Variants in C16orf54 observed in about 807,000 individuals in gnomAD.
C16orf54 encodes the protein chromosome 16 open reading frame 54.
C16orf54 carries 2 observed loss-of-function variants against 3.9 expected under a neutral mutation model. That is an observed-to-expected ratio of 0.52 (90% CI 0.21 to 1.63). C16orf54 has a LOEUF of 1.63. C16orf54 is among the 40% of genes most tolerant of loss of function. C16orf54 has a pLI of 0.21. For synonymous variants in C16orf54, 128 were observed against 135.1 expected, an observed-to-expected ratio of 0.95 and a Z score of 0.37; for missense variants, 272 against 326.3, an observed-to-expected ratio of 0.83 and a Z score of 1.28.
Position 29,744,006 on chromosome 16 carries a change from T to G in C16orf54, c.*271A>C. On this transcript the variant is annotated 3_prime_UTR_variant, in exon 2 of 2. Transcript: ENST00000329410. This position sits in a 1 kb window ranked among gnomAD's most constrained non-coding sequence, Gnocchi z 7.1. ...TATCTAGTACCTTGGGTTCTTCATCTGGATGCGATCTTGAAGGCTTCTGGC... is the reference window on the plus strand; with the variant it reads ...TATCTAGTACCTTGGGTTCTTCATCGGGATGCGATCTTGAAGGCTTCTGGC... 2 of 547,752 alleles carry G rather than the reference T, an allele frequency of 3.7e-6. No individual in the cohort carries two copies. The highest frequency in any genetic ancestry group is 3.4e-5 in the Admixed American group (1 of 29,518). 33.9% of individuals were successfully genotyped at this position (547,752 alleles called of 1,614,324 possible).
In C16orf54 at chr16:29,744,593, C is replaced by T. The variant is rs200945943; in HGVS notation, c.359G>A (p.Arg120Gln). The change falls in exon 2 of 2, where the codon CGA (arginine) becomes CAA (glutamine). Residue 120 changes from arginine to glutamine, a missense_variant. Arg to Gln is a conservative substitution (Grantham distance 43). Coordinates refer to ENST00000329410, the MANE Select transcript of C16orf54 (RefSeq NM_175900.4). The surrounding 1 kb of genome is among the most constrained non-coding windows in gnomAD (Gnocchi z 7.1). Reference sequence around the variant, plus strand: ...TGAGGGGGCAGGTGGGGCTGTTGCTCGGGCCTCCAAAGTGCCCACCTGGGT... The same window carrying T: ...TGAGGGGGCAGGTGGGGCTGTTGCTTGGGCCTCCAAAGTGCCCACCTGGGT... The part of the protein sequence containing the change: ...PPTQVGTLEA[R>Q]ATAPPAPSAP... The T allele has an allele frequency of 6.4e-4, 933 of 1,466,694 alleles. No homozygotes were observed. The highest frequency in any genetic ancestry group is 7.6e-4 in the Non-Finnish European group (843 of 1,109,898). 90.9% of individuals were successfully genotyped at this position (1,466,694 alleles called of 1,614,324 possible).
chr16:29,743,689 C>T lies in C16orf54; in HGVS notation c.*588G>A, dbSNP rs1046042852. The T allele has an allele frequency of 6.5e-6, 1 of 152,702 alleles. No homozygotes were observed. Among genetic ancestry groups the T allele is most frequent in the Non-Finnish European group, 1.5e-5 (1 of 68,402 alleles). 9.5% of individuals were successfully genotyped at this position (152,702 alleles called of 1,614,324 possible). A position where few individuals can be genotyped will look rare whatever the true frequency, so the allele number is the denominator to read the frequency against. ...ACAGCGCCGCTGCAGCTTGGCCCAG[C>T]AAGTTCCTCCTTGCAGTTTGGGGGT... is the stretch of plus-strand genomic sequence containing the variant. On this transcript the variant is annotated 3_prime_UTR_variant, in exon 2 of 2. Transcript: ENST00000329410.
chr16:29,744,929 G>T lies in C16orf54; in HGVS notation c.23C>A (p.Pro8His). Residue 8 changes from proline (P) to histidine (H), a missense_variant, in exon 2 of 2, where the codon CCC becomes CAC. Pro to His is a moderately conservative substitution (Grantham distance 77). Coordinates refer to ENST00000329410, the MANE Select transcript of C16orf54 (RefSeq NM_175900.4). The surrounding 1 kb of genome is among the most constrained non-coding windows in gnomAD (Gnocchi z 7.1). Reference protein sequence around the residue: MPLTPEPPSGRVEGPPAW... With the variant: MPLTPEPHSGRVEGPPAW... Reference sequence around the variant, plus strand: ...GGGGGGCCCCTCCACGCGCCCAGAGGGCGGCTCTGGAGTCAACGGCATCTG... The same window carrying T: ...GGGGGGCCCCTCCACGCGCCCAGAGTGCGGCTCTGGAGTCAACGGCATCTG... The T allele has an allele frequency of 6.8e-7, 1 of 1,467,236 alleles. No homozygotes were observed. The allele number at this position is 1,467,236 out of a possible 1,614,324, so 90.9% of individuals were successfully genotyped here. A position where few individuals can be genotyped will look rare whatever the true frequency, so the allele number is the denominator to read the frequency against.
At position 29,744,358 on chromosome 16, in the gene C16orf54, C is replaced by T. The variant is rs1313145274; in HGVS notation, c.594G>A (p.Glu198=). ...RRQRPGSPDP[E]WGLQPRVTLE... ...AGGTGACCCGTGGCTGGAGGCCCCA[C>T]TCAGGATCCGGGCTCCCTGGCCGCT... Residue 198 remains glutamate, a synonymous_variant, in exon 2 of 2, where the codon GAG becomes GAA. Coordinates refer to ENST00000329410, the MANE Select transcript of C16orf54 (RefSeq NM_175900.4). This position sits in a 1 kb window ranked among gnomAD's most constrained non-coding sequence, Gnocchi z 7.1. 6.2e-7 allele frequency: 1 copy of T among 1,612,620 alleles called. No homozygotes were observed. The highest frequency in any genetic ancestry group is 1.1e-5 in the South Asian group (1 of 90,972).
rs1244313580 is a variant in C16orf54 at position 29,744,676 on chromosome 16, A to C, written c.276T>G (p.Ser92=). 6 of 1,472,312 alleles carry C rather than the reference A, an allele frequency of 4.1e-6. No homozygotes were observed. Among genetic ancestry groups the C allele is most frequent in the Non-Finnish European group, 5.4e-6 (6 of 1,112,784 alleles). 91.2% of individuals were successfully genotyped at this position (1,472,312 alleles called of 1,614,324 possible). ...GGACCGCAGAGCCATACCAGTCCTCAGAGCGCTCTCGGGCGGTGCCCATGG... is the reference window on the plus strand; with the variant it reads ...GGACCGCAGAGCCATACCAGTCCTCCGAGCGCTCTCGGGCGGTGCCCATGG... ...IEPMGTARER[S]EDWYGSAVPL... is the part of the protein sequence containing the mutation. The change falls in exon 2 of 2, where the codon TCT becomes TCG. Residue 92 remains serine, a synonymous_variant. Coordinates refer to ENST00000329410, the MANE Select transcript of C16orf54 (RefSeq NM_175900.4). This position sits in a 1 kb window ranked among gnomAD's most constrained non-coding sequence, Gnocchi z 7.1.
chr16:29,743,249 CAAAAAAAAAAAAAA>C lies in C16orf54; in HGVS notation c.*1014_*1027del, dbSNP rs35372659. The C allele has an allele frequency of 3.1e-5, 2 of 64,438 alleles. No individual in the cohort carries two copies. The highest frequency in any genetic ancestry group is 5.3e-4 in the East Asian group (1 of 1,872). The allele number at this position is 64,438 out of a possible 1,614,324, so 4.0% of individuals were successfully genotyped here. ...GGGTGACAGAGTTGAGATTCTGTCT[CAAAAAAAAAAAAAA>C]AAAAAAAAAAAAGACAAAGTTTGGA... On this transcript the variant is annotated 3_prime_UTR_variant, in exon 2 of 2. Coordinates refer to ENST00000329410, the MANE Select transcript of C16orf54 (RefSeq NM_175900.4).
Position 29,743,216 on chromosome 16 carries a change from T to C in C16orf54, c.*1061A>G, listed in dbSNP as rs1248173867. 8.6e-6 allele frequency: 1 copy of C among 115,882 alleles called. No individual in the cohort carries two copies. The highest frequency in any genetic ancestry group is 3.3e-5 in the African/African-American group (1 of 29,952). The allele number at this position is 115,882 out of a possible 1,614,324, so 7.2% of individuals were successfully genotyped here. A position where few individuals can be genotyped will look rare whatever the true frequency, so the allele number is the denominator to read the frequency against. ...GTGAGTTGAGATTGTGCCACTGCACTCCAGTCTGGGTGACAGAGTTGAGAT... is the reference window on the plus strand; with the variant it reads ...GTGAGTTGAGATTGTGCCACTGCACCCCAGTCTGGGTGACAGAGTTGAGAT... On this transcript the variant is annotated 3_prime_UTR_variant, in exon 2 of 2. Transcript: ENST00000329410.
chr16:29,744,579 G>A lies in C16orf54; in HGVS notation c.373C>T (p.Pro125Ser). Residue 125 changes from proline to serine, a missense_variant, in exon 2 of 2, where the codon CCT (proline) becomes TCT (serine). Transcript: ENST00000329410. This position sits in a 1 kb window ranked among gnomAD's most constrained non-coding sequence, Gnocchi z 7.1. The stretch of plus-strand genomic sequence containing the variant: ...GCAGAATTTGGGGCTGAGGGGGCAG[G>A]TGGGGCTGTTGCTCGGGCCTCCAAA... The part of the protein sequence containing the change: ...GTLEARATAP[P>S]APSAPNSAPS... 1 of 1,475,016 alleles carries A rather than the reference G, an allele frequency of 6.8e-7. No individual in the cohort carries two copies. Among genetic ancestry groups the A allele is most frequent in the Non-Finnish European group, 9.0e-7 (1 of 1,114,088 alleles). The allele number at this position is 1,475,016 out of a possible 1,614,324, so 91.4% of individuals were successfully genotyped here.
chr16:29,744,190 C>T lies in C16orf54; in HGVS notation c.*87G>A. 1 of 1,197,382 alleles carries T rather than the reference C, an allele frequency of 8.4e-7. No homozygotes were observed. The highest frequency in any genetic ancestry group is 1.2e-6 in the Non-Finnish European group (1 of 832,028). The allele number at this position is 1,197,382 out of a possible 1,614,324, so 74.2% of individuals were successfully genotyped here. On this transcript the variant is annotated 3_prime_UTR_variant, in exon 2 of 2. Transcript: ENST00000329410. The surrounding 1 kb of genome is among the most constrained non-coding windows in gnomAD (Gnocchi z 7.1). The stretch of plus-strand genomic sequence containing the variant: ...CCTGGGAAGGGCATCTTCGCTGGGG[C>T]AGTCTCAATCCTAATGCTGGATCCT...
Position 29,744,430 on chromosome 16 carries a change from C to T in C16orf54, c.522G>A (p.Gln174=). ...CAAACTGGACGCTGGCCTCTGGCCTCTGCTCGGGTTCAGCCCAGCTCACCA... is the reference window on the plus strand; with the variant it reads ...CAAACTGGACGCTGGCCTCTGGCCTTTGCTCGGGTTCAGCCCAGCTCACCA... ...TGLVSWAEPE[Q]RPEASVQFGS... The change falls in exon 2 of 2, where the codon CAG becomes CAA. Residue 174 remains glutamine (Q), a synonymous_variant. Coordinates refer to ENST00000329410, the MANE Select transcript of C16orf54 (RefSeq NM_175900.4). This position sits in a 1 kb window ranked among gnomAD's most constrained non-coding sequence, Gnocchi z 7.1. The T allele has an allele frequency of 6.4e-7, 1 of 1,574,158 alleles. No individual in the cohort carries two copies. Among genetic ancestry groups the T allele is most frequent in the Non-Finnish European group, 8.6e-7 (1 of 1,160,688 alleles).
Position 29,743,925 on chromosome 16 carries a change from G to A in C16orf54, c.*352C>T. ...AGGACCCGTTCTCTTTGGTATTGGT[G>A]GCTTCGGTAAACACTGAAAGAAGGT... On this transcript the variant is annotated 3_prime_UTR_variant, in exon 2 of 2. Transcript: ENST00000329410. 1 of 328,742 alleles carries A rather than the reference G, an allele frequency of 3.0e-6. No homozygotes were observed. Among genetic ancestry groups the A allele is most frequent in the Non-Finnish European group, 5.7e-6 (1 of 176,880 alleles). The allele number at this position is 328,742 out of a possible 1,614,324, so 20.4% of individuals were successfully genotyped here.
At position 29,744,320 on chromosome 16, in the gene C16orf54, G is replaced by A. The variant is rs763967256; in HGVS notation, c.632C>T (p.Ser211Leu). Reference sequence around the variant, plus strand: ...CCGGCCTTCACGCTTCCAGAAAGCTGAGATCTGCTCCAAGGTGACCCGTGG... The same window carrying A: ...CCGGCCTTCACGCTTCCAGAAAGCTAAGATCTGCTCCAAGGTGACCCGTGG... ...LQPRVTLEQI[S>L]AFWKREGRTS... The change falls in exon 2 of 2, where the codon TCA (serine) becomes TTA (leucine). Residue 211 changes from serine to leucine, a missense_variant. Ser to Leu is a moderately radical substitution (Grantham distance 145). Transcript: ENST00000329410. The surrounding 1 kb of genome is among the most constrained non-coding windows in gnomAD (Gnocchi z 7.1). The A allele has an allele frequency of 1.2e-6, 2 of 1,612,974 alleles. No homozygotes were observed. Among genetic ancestry groups the A allele is most frequent in the Non-Finnish European group, 1.7e-6 (2 of 1,180,018 alleles).
In C16orf54 at chr16:29,744,687, G is replaced by A. The variant is rs944203939; in HGVS notation, c.265C>T (p.Arg89Ter). ...ELWIEPMGTA[R>*]ERSEDWYGSA... ...CCATACCAGTCCTCAGAGCGCTCTC[G>A]GGCGGTGCCCATGGGCTCAATCCAC... Residue 89 changes from arginine to a stop codon, truncating the protein, a stop_gained, in exon 2 of 2, where the codon CGA becomes TGA. Coordinates refer to ENST00000329410, the MANE Select transcript of C16orf54 (RefSeq NM_175900.4). LOFTEE classifies it low-confidence loss of function (END_TRUNC). This position sits in a 1 kb window ranked among gnomAD's most constrained non-coding sequence, Gnocchi z 7.1. 6.8e-6 allele frequency: 10 copies of A among 1,470,238 alleles called. No homozygotes were observed. The highest frequency in any genetic ancestry group is 4.9e-5 in the East Asian group (2 of 40,644). The allele number at this position is 1,470,238 out of a possible 1,614,324, so 91.1% of individuals were successfully genotyped here. A position where few individuals can be genotyped will look rare whatever the true frequency, so the allele number is the denominator to read the frequency against.
At chr16:29,745,715 T>A (rs1451760543) in intron 1 of C16orf54, among the ~76,000 whole-genome samples, 196 bp downstream of exon 1, 1 of 152,088 alleles carries the variant, frequency 6.6e-6, no homozygotes, top group African/African-American at 2.4e-5. Context: ...TCGGACTTGA[T>A]CTTGCTCTCA....
In C16orf54 at chr16:29,744,369, G is replaced by T; in HGVS notation, c.583C>A (p.Pro195Thr). Reference protein sequence around the residue: ...PQARRQRPGSPDPEWGLQPRV... With the variant: ...PQARRQRPGSTDPEWGLQPRV... ...GGCTGGAGGCCCCACTCAGGATCCGGGCTCCCTGGCCGCTGCCTCCTGGCC... is the reference window on the plus strand; with the variant it reads ...GGCTGGAGGCCCCACTCAGGATCCGTGCTCCCTGGCCGCTGCCTCCTGGCC... Residue 195 changes from proline to threonine, a missense_variant, in exon 2 of 2, where the codon CCG (proline) becomes ACG (threonine). Physicochemically the swap from Pro to Thr is conservative, Grantham distance 38. Coordinates refer to ENST00000329410, the MANE Select transcript of C16orf54 (RefSeq NM_175900.4). This position sits in a 1 kb window ranked among gnomAD's most constrained non-coding sequence, Gnocchi z 7.1. The T allele has an allele frequency of 6.2e-7, 1 of 1,611,976 alleles. No individual in the cohort carries two copies. Among genetic ancestry groups the T allele is most frequent in the Non-Finnish European group, 8.5e-7 (1 of 1,179,662 alleles).
chr16:29,744,771 G>C lies in C16orf54; in HGVS notation c.181C>G (p.Leu61Val). The change falls in exon 2 of 2, where the codon CTC (leucine) becomes GTC (valine). Residue 61 changes from leucine to valine, a missense_variant. Physicochemically the swap from Leu to Val is conservative, Grantham distance 32. Transcript: ENST00000329410. The surrounding 1 kb of genome is among the most constrained non-coding windows in gnomAD (Gnocchi z 7.1). ...VLAERLFRRALRPDPSHRAPT... is the reference protein window; with the variant it reads ...VLAERLFRRAVRPDPSHRAPT... ...GCACGGTGGCTGGGGTCTGGGCGGA[G>C]AGCACGGCGGAACAGGCGTTCAGCC... The C allele has an allele frequency of 6.8e-7, 1 of 1,460,834 alleles. No individual in the cohort carries two copies. The highest frequency in any genetic ancestry group is 9.0e-7 in the Non-Finnish European group (1 of 1,108,008). 90.5% of individuals were successfully genotyped at this position (1,460,834 alleles called of 1,614,324 possible). A position where few individuals can be genotyped will look rare whatever the true frequency, so the allele number is the denominator to read the frequency against.
chr16:29,744,452 A>G lies in C16orf54; in HGVS notation c.500T>C (p.Val167Ala). The G allele has an allele frequency of 6.4e-7, 1 of 1,558,956 alleles. No individual in the cohort carries two copies. The change falls in exon 2 of 2, where the codon GTG becomes GCG. Residue 167 changes from valine (V) to alanine (A), a missense_variant. Transcript: ENST00000329410. This position sits in a 1 kb window ranked among gnomAD's most constrained non-coding sequence, Gnocchi z 7.1. ...WEGRPPATGL[V>A]SWAEPEQRPE... is the part of the protein sequence containing the mutation. ...CCTCTGCTCGGGTTCAGCCCAGCTCACCAGGCCTGTGGCGGGGGGCCTCCC... is the reference window on the plus strand; with the variant it reads ...CCTCTGCTCGGGTTCAGCCCAGCTCGCCAGGCCTGTGGCGGGGGGCCTCCC...
At chr16:29,745,544 C>A (rs1968125787) in intron 1 of C16orf54, among the ~76,000 whole-genome samples, 1 of 152,116 alleles carries the variant, frequency 6.6e-6, no homozygotes, top group South Asian at 2.1e-4. Context: ...CTTTCCTCCC[C>A]ACTCGGCCCC....
chr16:29,745,089 T>G, intron 1 of C16orf54, 138 bp from the exon 2 acceptor site: 1 of 967,370 alleles, frequency 1.0e-6, no homozygotes, highest in Non-Finnish European at 1.4e-6. Context: ...TCCCAGCACT[T>G]TGAGAGGTCG....
Sources: allele counts gnomAD v4.1 joint callset (sites outside exome capture counted in the v4.1 genomes callset), GRCh38; gene constraint gnomAD v4.1.1; non-coding constraint Gnocchi (gnomAD v3.1); transcripts MANE v1.5; gene names NCBI Gene and HGNC (gene_info 2026-07-23, HGNC 2026-07-21).